The following SEC24D variants were observed in gnomAD, a reference collection of about 807,000 sequenced individuals.
SEC24D encodes the protein SEC24 homolog D, COPII component, also known as protein transport protein Sec24D.
Under a neutral mutation model 116.9 loss-of-function variants are expected in SEC24D, and 69 were observed. That is an observed-to-expected ratio of 0.59 (90% CI 0.49 to 0.72). The LOEUF is 0.72. SEC24D is among the 30% of genes least tolerant of loss of function. SEC24D has a pLI of 0.00. For synonymous variants in SEC24D, 405 were observed against 442.8 expected (o/e 0.91, Z 1.07); for missense variants, 1,131 against 1,264.1 (o/e 0.89, Z 1.60).
At chr4:118,757,397 T>C (rs1332834575) in intron 11 of SEC24D, among the ~76,000 whole-genome samples, 2 of 152,214 alleles carry the variant, frequency 1.3e-5, no homozygotes, top group African/African-American at 2.4e-5. Flanking sequence ...CTAGTGTCCA[T>C]TGGAAAATCA....
At position 118,739,267 on chromosome 4, in the gene SEC24D, T is replaced by A. The variant is rs748592701; in HGVS notation, c.2259A>T (p.Thr753=). The A allele has an allele frequency of 6.2e-7, 1 of 1,613,666 alleles. No homozygotes were observed. Among genetic ancestry groups the A allele is most frequent in the Non-Finnish European group, 8.5e-7 (1 of 1,179,634 alleles). Residue 753 remains threonine (T), a synonymous_variant, in exon 18 of 23, where the codon ACA becomes ACT. Coordinates refer to ENST00000280551, the MANE Select transcript of SEC24D (RefSeq NM_014822.4). The stretch of plus-strand genomic sequence containing the variant: ...TCCGAAGTCTTCTTTGACCACTGAT[T>A]GTCGTGTAAAGCACAGCACACTGTA... ...ALIQCAVLYT[T]ISGQRRLRIH... is the part of the protein sequence containing the mutation.
chr4:118,739,270 C>A lies in SEC24D; in HGVS notation c.2256G>T (p.Thr752=). 6.2e-7 allele frequency: 1 copy of A among 1,613,484 alleles called. No homozygotes were observed. The change falls in exon 18 of 23, where the codon ACG becomes ACT. Residue 752 remains threonine, a synonymous_variant. Transcript: ENST00000280551. ...GALIQCAVLY[T]TISGQRRLRI... ...GAAGTCTTCTTTGACCACTGATTGT[C>A]GTGTAAAGCACAGCACACTGTAGAA...
chr4:118,740,569 G>A (rs1218067376), intron 17 of SEC24D, 94 bp downstream of exon 17: 1 of 1,352,942 alleles, frequency 7.4e-7, no homozygotes, highest in Non-Finnish European at 1.0e-6. Context: ...TTTTTATGAA[G>A]AGACTAACAC....
chr4:118,747,629 C>G (rs1396487690), intron 13 of SEC24D, among the ~76,000 whole-genome samples: 1 of 152,036 alleles, frequency 6.6e-6, no homozygotes, highest in South Asian at 2.1e-4. Flanking sequence ...GGGTATAAAG[C>G]TTTAAAAAAA....
At chr4:118,769,212 T>A (rs531634859) in intron 8 of SEC24D, among the ~76,000 whole-genome samples, 2 of 152,350 alleles carry the variant, frequency 1.3e-5, no homozygotes, top group African/African-American at 4.8e-5. Flanking sequence ...ACTCACAGTG[T>A]AGCTGGCCAT....
chr4:118,816,088 A>ATTTTTTTT (rs34404398), intron 4 of SEC24D, among the ~76,000 whole-genome samples: 1 of 101,306 alleles, frequency 9.9e-6, no homozygotes, highest in African/African-American at 3.7e-5. Context: ...CGCCAAGTTC[A>ATTTTTTTT]TTTTTTTTTT....
rs1441900881 is a variant in SEC24D, at chr4:118,791,945, C to A, written c.1041+5738G>T. Among the ~76,000 whole-genome samples, 5 of 152,206 alleles carry A rather than the reference C, an allele frequency of 3.3e-5. 1 individual carries two copies. The East Asian group carries it at 5.8e-4, about 18-fold the overall frequency. On this transcript the variant is annotated intron_variant, in intron 8 of 22. Transcript: ENST00000280551. ...GTTTGCAGCCTCTGCCCGACCGCCA[C>A]CCCGTCTAGGAAGTGAGGAGCGTCT...
rs1289925231 is a variant in SEC24D at position 118,815,539 on chromosome 4, C to A, written c.585G>T (p.Gly195=). The part of the protein sequence containing the change: ...PLPLPMYRPD[G]LSGPPPPNAQ... Reference sequence around the variant, plus strand: ...CATTTGGAGGAGGAGGCCCAGAGAGCCCATCTGGTCTGTACATTGGTAGAG... The same window carrying A: ...CATTTGGAGGAGGAGGCCCAGAGAGACCATCTGGTCTGTACATTGGTAGAG... Residue 195 remains glycine, a synonymous_variant, in exon 5 of 23, where the codon GGG becomes GGT. Transcript: ENST00000280551. 5 of 1,614,136 alleles carry A rather than the reference C, an allele frequency of 3.1e-6. No individual in the cohort carries two copies. In the South Asian group the frequency reaches 4.4e-5, roughly 14 times the overall value.
rs1726181998 is a variant in SEC24D, at chr4:118,740,648, T to G, written c.2238+15A>C. 6.2e-7 allele frequency: 1 copy of G among 1,612,818 alleles called. No homozygotes were observed. Among genetic ancestry groups the G allele is most frequent in the Non-Finnish European group, 8.5e-7 (1 of 1,179,248 alleles). On this transcript the variant is annotated intron_variant, in intron 17 of 22. Transcript: ENST00000280551. ...AAACTAAAATAACGAAAGGTGGGAATACACTTTCAATCACCTGGATTAAGG... is the reference window on the plus strand; with the variant it reads ...AAACTAAAATAACGAAAGGTGGGAAGACACTTTCAATCACCTGGATTAAGG...
chr4:118,743,564 A>T (rs952814944), intron 15 of SEC24D, among the ~76,000 whole-genome samples: 1 of 152,110 alleles, frequency 6.6e-6, no homozygotes, highest in African/African-American at 2.4e-5. Flanking sequence ...GGGTCTTGCT[A>T]TGTAGCCCAG....
rs1225966364 is a variant in SEC24D, at chr4:118,817,316, T to A, written c.345A>T (p.Ser115=). 1 of 1,613,600 alleles carries A rather than the reference T, an allele frequency of 6.2e-7. No homozygotes were observed. Among genetic ancestry groups the A allele is most frequent in the Non-Finnish European group, 8.5e-7 (1 of 1,179,842 alleles). Reference sequence around the variant, plus strand: ...GCTGGCTGCCCAGCTGGGTGACAGATGAAGTGGATATAGGACCTGGATAAG... The same window carrying A: ...GCTGGCTGCCCAGCTGGGTGACAGAAGAAGTGGATATAGGACCTGGATAAG... ...QSSYPGPIST[S]SVTQLGSQLS... Residue 115 remains serine (S), a synonymous_variant, in exon 4 of 23, where the codon TCA becomes TCT. Coordinates refer to ENST00000280551, the MANE Select transcript of SEC24D (RefSeq NM_014822.4).
chr4:118,772,604 G>T (rs1186287053), intron 8 of SEC24D, among the ~76,000 whole-genome samples: 1 of 151,982 alleles, frequency 6.6e-6, no homozygotes, highest in Non-Finnish European at 1.5e-5. Context: ...TTGGGATAGG[G>T]AGCCACAAAG....
At chr4:118,808,578 A>T (rs561843425) in intron 6 of SEC24D, among the ~76,000 whole-genome samples, 1 of 152,338 alleles carries the variant, frequency 6.6e-6, no homozygotes, top group Non-Finnish European at 1.5e-5. Context: ...AAAAAATACT[A>T]TACCTTTTTT....
chr4:118,811,078 G>C (rs749100613), intron 6 of SEC24D, among the ~76,000 whole-genome samples: 6 of 152,252 alleles, frequency 3.9e-5, no homozygotes, highest in Non-Finnish European at 7.3e-5. Context: ...AATTGGACTA[G>C]CACAGTATTG....
rs991469545 is a variant in SEC24D at position 118,797,747 on chromosome 4, G to C, written c.977C>G (p.Ala326Gly). 6.2e-6 allele frequency: 10 copies of C among 1,611,390 alleles called. No homozygotes were observed. Among genetic ancestry groups the C allele is most frequent in the Non-Finnish European group, 7.6e-6 (9 of 1,178,040 alleles). The stretch of plus-strand genomic sequence containing the variant: ...AGCTAATGGAATCTGAGCTTGCTTA[G>C]CCATATCTGACGTGCATGGAAAACA... ...TYCFPCTSDM[A>G]KQAQIPLAAV... Residue 326 changes from alanine to glycine, a missense_variant, in exon 8 of 23, where the codon GCT becomes GGT. Ala to Gly is a moderately conservative substitution (Grantham distance 60). Coordinates refer to ENST00000280551, the MANE Select transcript of SEC24D (RefSeq NM_014822.4).
At chr4:118,804,593 A>G (rs920916852) in intron 7 of SEC24D, among the ~76,000 whole-genome samples, 5 of 151,992 alleles carry the variant, frequency 3.3e-5, no homozygotes, top group African/African-American at 1.2e-4. Flanking sequence ...TAGAAAAAAA[A>G]AATCAACAAT....
intron 17 of SEC24D, among the ~76,000 whole-genome samples, chr4:118,739,942 A>G (rs777903448): frequency 2.0e-5 from 3 of 152,136 alleles, no homozygotes; most frequent in Non-Finnish European, 4.4e-5. Flanking sequence ...GCCAAATCCT[A>G]TTCCACTTGC....
At chr4:118,760,673 C>A (rs971483704) in intron 10 of SEC24D, 2 of 151,940 alleles carry the variant, frequency 1.3e-5, no homozygotes, top group Non-Finnish European at 2.9e-5. Flanking sequence ...TGGGTATATA[C>A]CCAGAAGTGA....
chr4:118,815,451 C>A lies in SEC24D; in HGVS notation c.673G>T (p.Ala225Ser). 6.2e-7 allele frequency: 1 copy of A among 1,613,956 alleles called. No homozygotes were observed. The highest frequency in any genetic ancestry group is 8.5e-7 in the Non-Finnish European group (1 of 1,179,942). The change falls in exon 5 of 23, where the codon GCC becomes TCC. Residue 225 changes from alanine to serine, a missense_variant and splice_region_variant. Ala to Ser is a moderately conservative substitution (Grantham distance 99). Transcript: ENST00000280551. ...TTCCCCTGCACCCTGTCCGCCTTAC[C>A]CTGCTGCGGAGGATATCCAGCACCC... ...TLGAGYPPQQANSGPQMAGAQ... is the reference protein window; with the variant it reads ...TLGAGYPPQQSNSGPQMAGAQ...
Sources: allele counts gnomAD v4.1 joint callset (sites outside exome capture counted in the v4.1 genomes callset), GRCh38; gene constraint gnomAD v4.1.1; transcripts MANE v1.5; gene names NCBI Gene and HGNC (gene_info 2026-07-23, HGNC 2026-07-21).